The following DNAJC12 variants were observed in gnomAD, a reference collection of about 807,000 sequenced individuals.
DNAJC12 encodes dnaJ homolog subfamily C member 12.
DNAJC12 carries 25 observed loss-of-function variants against 28.5 expected under a neutral mutation model. The ratio of observed to expected loss-of-function variants is 0.88; its 90% CI spans 0.64 to 1.22. The LOEUF is 1.22. Among genes scored for constraint, DNAJC12 ranks in the 50% most tolerant of loss-of-function variants. The pLI is 0.00. For missense variants in DNAJC12, 222 were observed against 231.7 expected (o/e 0.96, Z 0.27); for synonymous variants, 77 against 80.6 (o/e 0.95, Z 0.24).
At chr10:67,802,693 G>A (rs929668707) in intron 4 of DNAJC12, among the ~76,000 whole-genome samples, 2 of 152,168 alleles carry the variant, frequency 1.3e-5, no homozygotes, top group Non-Finnish European at 2.9e-5. Flanking sequence ...ACTGTGGAAT[G>A]TTATCAGCTG....
At chr10:67,819,660 GAGAAAGAAAGAAAGAA>G (rs60688341) in intron 2 of DNAJC12, among the ~76,000 whole-genome samples, 3,574 of 34,908 alleles carry the variant, frequency 0.1, 278 homozygotes, top group South Asian at 0.21. Flanking sequence ...AAGAAAGAAA[GAGAAAGAAAGAAAGAA>G]AGAAAGAAAG....
Position 67,837,931 on chromosome 10 carries a change from T to C in DNAJC12, c.78+3A>G, listed in dbSNP as rs769368135. ...GTGATAAAAATATTATCCACTGTCT[T>C]ACCGAAGATAGTTCATCACATCCCA... is the stretch of plus-strand genomic sequence containing the variant. On this transcript the variant is annotated splice_donor_region_variant and intron_variant, in intron 1 of 4. Coordinates refer to ENST00000225171, the MANE Select transcript of DNAJC12 (RefSeq NM_021800.3). 1.9e-6 allele frequency: 3 copies of C among 1,583,480 alleles called. No individual in the cohort carries two copies. In the South Asian group the frequency reaches 3.4e-5, roughly 18 times the overall value.
chr10:67,823,298 TTTA>T lies in DNAJC12; in HGVS notation c.157+13_157+15del. The stretch of plus-strand genomic sequence containing the variant: ...CTACTCATTTTCTTGAGAAGTAGCC[TTTA>T]TTAAGTTCTTACCAGCTTTGGGGTT... On this transcript the variant is annotated intron_variant, in intron 2 of 4. Coordinates refer to ENST00000225171, the MANE Select transcript of DNAJC12 (RefSeq NM_021800.3). The T allele has an allele frequency of 6.2e-7, 1 of 1,611,572 alleles. No individual in the cohort carries two copies. Among genetic ancestry groups the T allele is most frequent in the Non-Finnish European group, 8.5e-7 (1 of 1,177,908 alleles).
intron 1 of DNAJC12, among the ~76,000 whole-genome samples, chr10:67,834,851 A>G (rs1016991008): frequency 2.6e-5 from 4 of 152,160 alleles, no homozygotes; most frequent in African/African-American, 7.2e-5. Context: ...AAAAAATCCA[A>G]TATAGGGAGA....
intron 2 of DNAJC12, among the ~76,000 whole-genome samples, chr10:67,815,296 G>A (rs983474344): frequency 6.6e-6 from 1 of 152,050 alleles, no homozygotes; most frequent in Non-Finnish European, 1.5e-5. Flanking sequence ...ATCACCTGAG[G>A]TCAGGAGTTC....
intron 2 of DNAJC12, among the ~76,000 whole-genome samples, chr10:67,820,030 C>T (rs1407983818): frequency 6.6e-6 from 1 of 152,172 alleles, no homozygotes; most frequent in East Asian, 1.9e-4. Flanking sequence ...AGATGGGACA[C>T]ATGGGACTTC....
chr10:67,806,783 C>T (rs1260790503), intron 3 of DNAJC12, among the ~76,000 whole-genome samples: 2 of 148,546 alleles, frequency 1.3e-5, no homozygotes, highest in Non-Finnish European at 3.0e-5. Flanking sequence ...CGAGATCGCA[C>T]CATTGCACTC....
chr10:67,819,640 A>G (rs1056155844), intron 2 of DNAJC12, among the ~76,000 whole-genome samples: 2 of 138,860 alleles, frequency 1.4e-5, no homozygotes, highest in Non-Finnish European at 3.0e-5. Flanking sequence ...CTGTCACAAA[A>G]AAAGAAAGAA....
intron 3 of DNAJC12, among the ~76,000 whole-genome samples, chr10:67,809,679 C>T (rs546617974): frequency 6.6e-6 from 1 of 152,114 alleles, no homozygotes; most frequent in Non-Finnish European, 1.5e-5. Flanking sequence ...AAAATAATAT[C>T]TTTTGCAGCA....
chr10:67,812,888 G>A (rs897754317), intron 2 of DNAJC12, among the ~76,000 whole-genome samples: 1 of 151,182 alleles, frequency 6.6e-6, no homozygotes, highest in African/African-American at 2.4e-5. Flanking sequence ...CAGGCACGGT[G>A]GCCCAGGCCT....
At chr10:67,808,732 A>G (rs1841829159) in intron 3 of DNAJC12, 1 of 152,214 alleles carries the variant, frequency 6.6e-6, no homozygotes, top group Admixed American at 6.5e-5. Flanking sequence ...GAATAGCTAT[A>G]CAAAATTGAC....
intron 1 of DNAJC12, chr10:67,825,720 T>C (rs965333547): frequency 5.8e-3 from 22 of 3,778 alleles, no homozygotes; most frequent in East Asian, 0.031. Context: ...ACAATCAAAG[T>C]CAGACGGTAT....
chr10:67,829,544 G>A (rs1035127181), intron 1 of DNAJC12, among the ~76,000 whole-genome samples: 2 of 152,196 alleles, frequency 1.3e-5, no homozygotes, highest in South Asian at 2.1e-4. Context: ...CGGAGGCTGA[G>A]GAAGGAGAAT....
intron 1 of DNAJC12, among the ~76,000 whole-genome samples, chr10:67,827,257 C>T (rs936450182): frequency 6.6e-6 from 1 of 151,384 alleles, no homozygotes; most frequent in South Asian, 2.1e-4. Flanking sequence ...CATGATGGCA[C>T]GAGCCTGTAA....
At chr10:67,837,225 G>C (rs1003434701) in intron 1 of DNAJC12, among the ~76,000 whole-genome samples, 2 of 151,912 alleles carry the variant, frequency 1.3e-5, no homozygotes, top group East Asian at 3.8e-4. Context: ...TACATAGAAA[G>C]AATAGTGGAG....
intron 2 of DNAJC12, among the ~76,000 whole-genome samples, chr10:67,821,910 G>A (rs1841985164): frequency 6.6e-6 from 1 of 152,158 alleles, no homozygotes; most frequent in African/African-American, 2.4e-5. Context: ...ATGGATGGTG[G>A]TGTCCTTCAT....
Position 67,799,212 on chromosome 10 carries a change from T to C in DNAJC12, c.503-2002A>G, listed in dbSNP as rs1323366158. Among the ~76,000 whole-genome samples the C allele has an allele frequency of 2.0e-5, 3 of 152,340 alleles. No individual in the cohort carries two copies. In the South Asian group the frequency reaches 6.2e-4, roughly 32 times the overall value. On this transcript the variant is annotated intron_variant, in intron 4 of 4. Transcript: ENST00000225171. ...AATATATAAAATACACTTCCATTGA[T>C]ATTTTAATATAGTATATAAATATGT...
intron 1 of DNAJC12, chr10:67,827,623 T>G (rs1842050052): frequency 6.6e-6 from 1 of 151,914 alleles, no homozygotes; most frequent in South Asian, 2.1e-4. Context: ...GAGGCAGAGG[T>G]TGCAGTGAGC....
intron 1 of DNAJC12, among the ~76,000 whole-genome samples, chr10:67,828,927 A>C (rs1842064359): frequency 6.6e-6 from 1 of 152,106 alleles, no homozygotes; most frequent in Non-Finnish European, 1.5e-5. Context: ...CATTTCAAGG[A>C]AATCACTTCT....
Sources: allele counts gnomAD v4.1 joint callset (sites outside exome capture counted in the v4.1 genomes callset), GRCh38; gene constraint gnomAD v4.1.1; transcripts MANE v1.5; gene names NCBI Gene and HGNC (gene_info 2026-07-23, HGNC 2026-07-21).